The following ZNF317 variants were observed in gnomAD, a reference collection of about 807,000 sequenced individuals.
ZNF317 encodes zinc finger protein 317.
In ZNF317, 17 loss-of-function variants were observed where a neutral mutation model predicts 23.4. That is an observed-to-expected ratio of 0.73 (90% CI 0.50 to 1.09). ZNF317 has a LOEUF of 1.09. Ranked by LOEUF, ZNF317 falls within the 50% of genes least tolerant of loss-of-function variation. The probability of loss-of-function intolerance (pLI) is 0.00; values close to 1 mark genes in which losing one functional copy is unlikely to be tolerated. For missense variants in ZNF317, 679 were observed against 796.7 expected (o/e 0.85, Z 1.78); for synonymous variants, 317 against 314.9 (o/e 1.01, Z -0.07).
intron 5 of ZNF317, among the ~76,000 whole-genome samples, chr19:9,158,363 C>CTTTTTTTT (rs200591339): frequency 0.016 from 1,189 of 76,602 alleles, 112 homozygotes; most frequent in African/African-American, 0.021. Context: ...TTTCTTTTTT[C>CTTTTTTTT]TTTTTTTTTT....
intron 1 of ZNF317, among the ~76,000 whole-genome samples, chr19:9,142,535 TA>T (rs1423495766): frequency 7.5e-6 from 1 of 134,204 alleles, no homozygotes; most frequent in Non-Finnish European, 1.5e-5. Context: ...TGCAGGCTTT[TA>T]ACAAGTGATT....
intron 1 of ZNF317, among the ~76,000 whole-genome samples, chr19:9,142,993 G>C (rs1461471821): frequency 6.6e-6 from 1 of 152,142 alleles, no homozygotes; most frequent in Non-Finnish European, 1.5e-5. Context: ...TCCTTAGAAC[G>C]GGAGTGGTAC....
intron 1 of ZNF317, among the ~76,000 whole-genome samples, chr19:9,147,780 A>G (rs1297387854): frequency 6.6e-6 from 1 of 152,020 alleles, no homozygotes; most frequent in Non-Finnish European, 1.5e-5. Flanking sequence ...ATTTGTATTC[A>G]TGGCCACCAG....
At chr19:9,143,128 G>T (rs2050649326) in intron 1 of ZNF317, among the ~76,000 whole-genome samples, 1 of 152,182 alleles carries the variant, frequency 6.6e-6, no homozygotes, top group African/African-American at 2.4e-5. Context: ...AATTTCTTTA[G>T]GAATTTATTT....
At chr19:9,158,403 A>C (rs2050811625) in intron 5 of ZNF317, among the ~76,000 whole-genome samples, 1 of 71,782 alleles carries the variant, frequency 1.4e-5, no homozygotes, top group African/African-American at 8.2e-5. Flanking sequence ...ACGGAGTCTC[A>C]CTCTGTTGCC....
chr19:9,142,628 G>A (rs1238245783), intron 1 of ZNF317, among the ~76,000 whole-genome samples: 1 of 134,550 alleles, frequency 7.4e-6, no homozygotes, highest in Non-Finnish European at 1.6e-5. Flanking sequence ...TGATAGTTTT[G>A]TATCTGTTTA....
At chr19:9,149,991 G>C (rs796657859) in intron 1 of ZNF317, among the ~76,000 whole-genome samples, 14 of 152,324 alleles carry the variant, frequency 9.2e-5, no homozygotes, top group African/African-American at 3.4e-4. Context: ...TGGTGATGCA[G>C]GTGTGGTTTA....
At chr19:9,156,141 A>T in intron 2 of ZNF317, 100 bp downstream of exon 2, 1 of 1,473,050 alleles carries the variant, frequency 6.8e-7, no homozygotes, top group African/African-American at 1.4e-5. Context: ...GGCTGCTGGG[A>T]GAGGATGGGC....
At chr19:9,144,568 A>G (rs10422498) in intron 1 of ZNF317, among the ~76,000 whole-genome samples, 14,882 of 143,156 alleles carry the variant, frequency 0.1, 871 homozygotes, top group African/African-American at 0.19. Flanking sequence ...ACCCATGCTC[A>G]TTCACTAAAT....
intron 2 of ZNF317, 38 bp from the exon 3 acceptor site, chr19:9,156,574 C>T (rs1243629785): frequency 6.2e-7 from 1 of 1,601,364 alleles, no homozygotes; most frequent in Non-Finnish European, 8.5e-7. Flanking sequence ...TGAGACAGGG[C>T]AGGCTCTGAT....
chr19:9,153,824 G>A (rs1210595217), intron 1 of ZNF317, among the ~76,000 whole-genome samples: 1 of 152,140 alleles, frequency 6.6e-6, no homozygotes, highest in Non-Finnish European at 1.5e-5. Context: ...TCACTGACAC[G>A]GGAGTAAATT....
intron 1 of ZNF317, among the ~76,000 whole-genome samples, chr19:9,144,589 A>G (rs2050667142): frequency 6.6e-6 from 1 of 151,968 alleles, no homozygotes; most frequent in Non-Finnish European, 1.5e-5. Flanking sequence ...CTAGATTTGC[A>G]TATGTTACTC....
intron 1 of ZNF317, among the ~76,000 whole-genome samples, chr19:9,144,223 G>A (rs952732554): frequency 2.6e-5 from 4 of 151,910 alleles, no homozygotes; most frequent in African/African-American, 4.8e-5. Context: ...GGCTGGTCTC[G>A]AACTCCCAAC....
intron 1 of ZNF317, among the ~76,000 whole-genome samples, chr19:9,151,160 C>T (rs2050732816): frequency 6.6e-6 from 1 of 152,112 alleles, no homozygotes; most frequent in South Asian, 2.1e-4. Context: ...GGAACTGAGC[C>T]TCTGTCACCC....
intron 4 of ZNF317, chr19:9,157,654 G>A (rs982553464): frequency 1.9e-5 from 11 of 586,922 alleles, no homozygotes; most frequent in African/African-American, 1.5e-4. Flanking sequence ...GTCAGTGTGT[G>A]GGTACTTGTG....
chr19:9,158,363 C>CTTT lies in ZNF317; in HGVS notation c.385+314_385+316dup, dbSNP rs200591339. Among the ~76,000 whole-genome samples, 82 of 76,534 alleles carry CTTT rather than the reference C, an allele frequency of 1.1e-3. 13 individuals are homozygous for CTTT. The highest frequency in any genetic ancestry group is 4.1e-3 in the African/African-American group (65 of 15,672). The allele number at this position is 76,534 out of a possible 152,430, so 50.2% of individuals were successfully genotyped here. A position where few individuals can be genotyped will look rare whatever the true frequency, so the allele number is the denominator to read the frequency against. ...CTGAATTGCCTTAAATTTCTTTTTT[C>CTTT]TTTTTTTTTTTTTTTTTTTTTTTTT... On this transcript the variant is annotated intron_variant, in intron 5 of 6. Coordinates refer to ENST00000247956, the MANE Select transcript of ZNF317 (RefSeq NM_020933.5).
chr19:9,159,563 T>TTTA (rs2050824435), intron 6 of ZNF317, among the ~76,000 whole-genome samples: 1 of 151,270 alleles, frequency 6.6e-6, no homozygotes, highest in African/African-American at 2.4e-5. Flanking sequence ...TTTTTTTTTT[T>TTTA]GAGGCACAGT....
chr19:9,158,724 C>T (rs2050815247), intron 5 of ZNF317, 102 bp from the exon 6 acceptor site: 3 of 773,612 alleles, frequency 3.9e-6, no homozygotes, highest in African/African-American at 1.8e-5. Context: ...ACCACTTTTC[C>T]TTACATAGCC....
intron 1 of ZNF317, among the ~76,000 whole-genome samples, chr19:9,145,146 G>C (rs893884958): frequency 4.6e-5 from 7 of 152,126 alleles, no homozygotes; most frequent in Non-Finnish European, 7.4e-5. Context: ...CTGGGTTCCA[G>C]CAATTCTCCT....
Sources: allele counts gnomAD v4.1 joint callset (sites outside exome capture counted in the v4.1 genomes callset), GRCh38; gene constraint gnomAD v4.1.1; transcripts MANE v1.5; gene names NCBI Gene and HGNC (gene_info 2026-07-23, HGNC 2026-07-21).